The following ANAPC1 variants were observed in gnomAD, a reference collection of about 807,000 sequenced individuals.
The protein encoded by ANAPC1 is anaphase promoting complex subunit 1.
Under a neutral mutation model 208.0 loss-of-function variants are expected in ANAPC1, and 36 were observed. The observed-to-expected ratio is 0.17, with a 90% CI of 0.13 to 0.23. The LOEUF (loss-of-function observed/expected upper bound fraction) is 0.23. ANAPC1 is among the 10% of genes least tolerant of loss of function. ANAPC1 has a pLI of 1.00. For missense variants in ANAPC1, 942 were observed against 2,011.6 expected (o/e 0.47, Z 10.17); for synonymous variants, 378 against 695.2 (o/e 0.54, Z 7.18).
rs1335510160 is a variant in ANAPC1 at position 111,884,169 on chromosome 2, T to C, written c.-252A>G. On this transcript the variant is annotated 5_prime_UTR_variant, in exon 1 of 48. An upstream start codon of the reference 5' UTR is lost. Transcript: ENST00000341068. Reference sequence around the variant, plus strand: ...CGAGACGTTCAAATGGACGCGTCCATCTTGACTTTCCCGTCTTGCCTCGCG... The same window carrying C: ...CGAGACGTTCAAATGGACGCGTCCACCTTGACTTTCCCGTCTTGCCTCGCG... The C allele has an allele frequency of 2.0e-5, 3 of 152,256 alleles. No homozygotes were observed. The highest frequency in any genetic ancestry group is 7.2e-5 in the African/African-American group (3 of 41,448). The allele number at this position is 152,256 out of a possible 1,614,324, so 9.4% of individuals were successfully genotyped here.
At chr2:111,840,420 A>G (rs1195943267) in intron 17 of ANAPC1, among the ~76,000 whole-genome samples, 1 of 152,250 alleles carries the variant, frequency 6.6e-6, no homozygotes, top group East Asian at 1.9e-4. Context: ...CTTGGCCTCA[A>G]GAATTGATTT....
rs750326887 is a variant in ANAPC1 at position 111,862,587 on chromosome 2, G to C, written c.1064C>G (p.Ser355Cys). 1 of 1,609,828 alleles carries C rather than the reference G, an allele frequency of 6.2e-7. No individual in the cohort carries two copies. ...SNMAALSRAH[S>C]PALGVHSFSG... Reference sequence around the variant, plus strand: ...AAAAGAGTGCACTCCTAACGCAGGAGAATGAGCACGACTGCAAAATAAACA... The same window carrying C: ...AAAAGAGTGCACTCCTAACGCAGGACAATGAGCACGACTGCAAAATAAACA... Residue 355 changes from serine (S) to cysteine (C), a missense_variant, in exon 10 of 48, where the codon TCT (serine) becomes TGT (cysteine). Ser to Cys is a moderately radical substitution (Grantham distance 112). Transcript: ENST00000341068.
intron 20 of ANAPC1, 115 bp from the exon 21 acceptor site, chr2:111,831,549 T>C: frequency 1.0e-6 from 1 of 969,200 alleles, no homozygotes; most frequent in East Asian, 2.7e-5. Flanking sequence ...ACTAGAATAA[T>C]ATTTTTCCAG....
intron 43 of ANAPC1, among the ~76,000 whole-genome samples, chr2:111,781,482 A>C (rs984828939): frequency 6.6e-6 from 1 of 152,264 alleles, no homozygotes; most frequent in Admixed American, 6.5e-5. Flanking sequence ...AGGCTTGGTC[A>C]TAAGTAACTG....
chr2:111,800,393 AT>A (rs1423186313), intron 34 of ANAPC1, among the ~76,000 whole-genome samples: 2 of 135,138 alleles, frequency 1.5e-5, no homozygotes, highest in Non-Finnish European at 3.2e-5. Context: ...TATCGAATAA[AT>A]ATGATATAAA....
chr2:111,881,580 T>C (rs1250556364), intron 1 of ANAPC1, among the ~76,000 whole-genome samples: 2 of 152,224 alleles, frequency 1.3e-5, no homozygotes, highest in Admixed American at 1.3e-4. Flanking sequence ...TACAGTTTAT[T>C]ACTAAAAAAA....
chr2:111,852,488 C>T (rs1040390201), intron 13 of ANAPC1, among the ~76,000 whole-genome samples: 3 of 152,210 alleles, frequency 2.0e-5, no homozygotes, highest in Non-Finnish European at 4.4e-5. Context: ...AGAAAAAAGT[C>T]ATGGCCATCC....
chr2:111,824,209 C>A (rs1401820368), intron 24 of ANAPC1, among the ~76,000 whole-genome samples: 9 of 117,038 alleles, frequency 7.7e-5, no homozygotes, highest in East Asian at 5.1e-4. Flanking sequence ...GTATACTATG[C>A]AACAGTTATT....
chr2:111,863,155 G>C (rs1339085081), intron 9 of ANAPC1, among the ~76,000 whole-genome samples: 1 of 152,062 alleles, frequency 6.6e-6, no homozygotes, highest in Non-Finnish European at 1.5e-5. Context: ...GTCAAGCATA[G>C]GCAGCTTCAA....
chr2:111,822,349 GA>G (rs1330341071), intron 25 of ANAPC1, 72 bp downstream of exon 25: 1 of 405,272 alleles, frequency 2.5e-6, no homozygotes, highest in African/African-American at 2.8e-5. Flanking sequence ...AAAGGAAAAT[GA>G]AGAACATTTC....
At chr2:111,843,745 A>G (rs1490456882) in intron 16 of ANAPC1, 146 bp from the exon 17 acceptor site, 3 of 624,956 alleles carry the variant, frequency 4.8e-6, no homozygotes, top group African/African-American at 3.7e-5. Context: ...TGAGATGCAA[A>G]CATTACCTAA....
chr2:111,842,118 A>C (rs1323164488), intron 17 of ANAPC1, among the ~76,000 whole-genome samples: 1 of 152,238 alleles, frequency 6.6e-6, no homozygotes. Flanking sequence ...CAGATTCACA[A>C]GGTACAATTA....
At chr2:111,844,513 G>C (rs192512597) in intron 16 of ANAPC1, among the ~76,000 whole-genome samples, 1 of 150,740 alleles carries the variant, frequency 6.6e-6, no homozygotes, top group Admixed American at 6.6e-5. Flanking sequence ...AGGTTGCAGT[G>C]AGCCAAGATC....
intron 6 of ANAPC1, among the ~76,000 whole-genome samples, chr2:111,871,540 C>A (rs542937509): frequency 1.2e-4 from 18 of 152,214 alleles, no homozygotes; most frequent in Non-Finnish European, 2.9e-5. Context: ...CACCTGAGGT[C>A]GGGAGTTCGA....
chr2:111,833,818 T>C (rs1680322115), intron 19 of ANAPC1, among the ~76,000 whole-genome samples: 1 of 152,086 alleles, frequency 6.6e-6, no homozygotes, highest in African/African-American at 2.4e-5. Flanking sequence ...ATATTTACCA[T>C]TGATTAAAAC....
intron 13 of ANAPC1, among the ~76,000 whole-genome samples, 197 bp from the exon 14 acceptor site, chr2:111,851,107 T>A (rs1681370955): frequency 7.4e-6 from 1 of 135,064 alleles, no homozygotes; most frequent in African/African-American, 3.0e-5. Flanking sequence ...GTTGGTATAA[T>A]TTTTTTTTTT....
chr2:111,851,765 G>A (rs1426995835), intron 13 of ANAPC1, among the ~76,000 whole-genome samples: 5 of 151,366 alleles, frequency 3.3e-5, no homozygotes, highest in African/African-American at 4.8e-5. Context: ...AGCCGAGATC[G>A]CGCCACTGCA....
chr2:111,870,160 T>C (rs1682667027), intron 6 of ANAPC1, among the ~76,000 whole-genome samples: 2 of 152,394 alleles, frequency 1.3e-5, no homozygotes, highest in Middle Eastern at 3.4e-3. Flanking sequence ...CAATTGTGAA[T>C]TGTGTTGCAA....
At chr2:111,851,106 ATT>A (rs112848714) in intron 13 of ANAPC1, among the ~76,000 whole-genome samples, 196 bp from the exon 14 acceptor site, 2 of 146,606 alleles carry the variant, frequency 1.4e-5, no homozygotes, top group Non-Finnish European at 1.5e-5. Flanking sequence ...TGTTGGTATA[ATT>A]TTTTTTTTTT....
Sources: allele counts gnomAD v4.1 joint callset (sites outside exome capture counted in the v4.1 genomes callset), GRCh38; gene constraint gnomAD v4.1.1; transcripts MANE v1.5; gene names NCBI Gene and HGNC (gene_info 2026-07-23, HGNC 2026-07-21).